ZZZ3: variants seen among roughly 807,000 people sequenced by gnomAD.
The protein encoded by ZZZ3 is zinc finger ZZ-type containing 3.
In ZZZ3, 22 loss-of-function variants were observed where a neutral mutation model predicts 95.2. The observed-to-expected ratio is 0.23, with a 90% CI of 0.17 to 0.33. The LOEUF (loss-of-function observed/expected upper bound fraction) is 0.33, where lower values mean the gene tolerates loss of function less well. Ranked by LOEUF, ZZZ3 falls within the 10% of genes least tolerant of loss-of-function variation. The pLI is 1.00. For missense variants in ZZZ3, 885 were observed against 1,066.5 expected (o/e 0.83, Z 2.37); for synonymous variants, 335 against 358.9 (o/e 0.93, Z 0.75).
At chr1:77,677,142 C>T (rs1672336877) in intron 1 of ZZZ3, 1 of 152,154 alleles carries the variant, frequency 6.6e-6, no homozygotes, top group African/African-American at 2.4e-5. Context: ...AGTTCCAGAC[C>T]AGCCTGACTA....
intron 5 of ZZZ3, among the ~76,000 whole-genome samples, chr1:77,597,174 A>G (rs1232915971): frequency 6.6e-6 from 1 of 152,152 alleles, no homozygotes; most frequent in East Asian, 1.9e-4. Context: ...TGATGGGGTT[A>G]TATCACAGGG....
chr1:77,667,913 T>C (rs573541544), intron 1 of ZZZ3, among the ~76,000 whole-genome samples: 1 of 151,776 alleles, frequency 6.6e-6, no homozygotes, highest in Non-Finnish European at 1.5e-5. Flanking sequence ...TACATGCACC[T>C]GCCACCACGC....
At chr1:77,640,768 G>T (rs1668713651) in intron 3 of ZZZ3, among the ~76,000 whole-genome samples, 1 of 152,066 alleles carries the variant, frequency 6.6e-6, no homozygotes, top group African/African-American at 2.4e-5. Flanking sequence ...GATACATTTT[G>T]GGGAAAGCAT....
chr1:77,669,318 G>A (rs1671529919), intron 1 of ZZZ3, among the ~76,000 whole-genome samples: 1 of 152,008 alleles, frequency 6.6e-6, no homozygotes, highest in South Asian at 2.1e-4. Context: ...ATTGTGAATG[G>A]TCCATTAAGT....
In ZZZ3 at chr1:77,599,086, C is replaced by G. The variant is rs139048051; in HGVS notation, c.1506-14431G>C. ...GTCCTTTTATAGAATCATATTAGAC[C>G]AACTTAAGCATTTACATGACAGTGG... On this transcript the variant is annotated intron_variant, in intron 5 of 14. Coordinates refer to ENST00000370801, the MANE Select transcript of ZZZ3 (RefSeq NM_015534.6). Among the ~76,000 whole-genome samples the G allele has an allele frequency of 2.0e-4, 30 of 152,000 alleles. 1 individual carries two copies. Among genetic ancestry groups the G allele is most frequent in the African/African-American group, 6.8e-4 (28 of 41,462 alleles).
At chr1:77,630,357 T>C (rs1004141209) in intron 5 of ZZZ3, among the ~76,000 whole-genome samples, 1 of 151,952 alleles carries the variant, frequency 6.6e-6, no homozygotes, top group South Asian at 2.1e-4. Flanking sequence ...GTGCCTGTAG[T>C]CCCAGCTACT....
At position 77,632,125 on chromosome 1, in the gene ZZZ3, A is replaced by G. The variant is rs778235725; in HGVS notation, c.1230T>C (p.Leu410=). The part of the protein sequence containing the change: ...RENGQFEENN[L]SPNETNATVS... ...CAGTTGCATTTGTTTCATTAGGACT[A>G]AGATTATTCTCCTCAAATTGTCCAT... The change falls in exon 5 of 15, where the codon CTT becomes CTC. Residue 410 remains leucine, a synonymous_variant. Coordinates refer to ENST00000370801, the MANE Select transcript of ZZZ3 (RefSeq NM_015534.6). 1 of 1,614,148 alleles carries G rather than the reference A, an allele frequency of 6.2e-7. No homozygotes were observed. Among genetic ancestry groups the G allele is most frequent in the South Asian group, 1.1e-5 (1 of 91,082 alleles).
intron 9 of ZZZ3, chr1:77,580,144 T>A (rs979394691): frequency 3.3e-5 from 5 of 152,460 alleles, no homozygotes; most frequent in African/African-American, 1.2e-4. Context: ...CTCATAGTCC[T>A]AAAGATGCAG....
intron 4 of ZZZ3, 79 bp downstream of exon 4, chr1:77,639,370 G>A: frequency 8.4e-7 from 1 of 1,190,212 alleles, no homozygotes; most frequent in Non-Finnish European, 1.1e-6. Flanking sequence ...AAAATAACAA[G>A]TCTCCCCATC....
At chr1:77,584,376 G>T in intron 6 of ZZZ3, 141 bp downstream of exon 6, 1 of 673,688 alleles carries the variant, frequency 1.5e-6, no homozygotes, top group Non-Finnish European at 2.2e-6. Context: ...TTGGTATCTT[G>T]CCTTAAGTAG....
At chr1:77,581,699 G>T in intron 8 of ZZZ3, 77 bp downstream of exon 8, 1 of 1,168,122 alleles carries the variant, frequency 8.6e-7, no homozygotes. Context: ...TTAATTTTAA[G>T]AACACAAACC....
intron 1 of ZZZ3, 72 bp from the exon 2 acceptor site, chr1:77,641,727 A>C (rs1166631958): frequency 2.5e-6 from 1 of 393,990 alleles, no homozygotes; most frequent in East Asian, 3.6e-5. Context: ...AAAATTGGTA[A>C]TATTTCCAAA....
intron 1 of ZZZ3, among the ~76,000 whole-genome samples, chr1:77,647,643 A>G (rs922434407): frequency 1.8e-4 from 27 of 152,224 alleles, no homozygotes; most frequent in Admixed American, 4.6e-4. Flanking sequence ...TTTGTTCGTA[A>G]TAAGTGATTT....
chr1:77,581,645 A>C, intron 8 of ZZZ3, 131 bp downstream of exon 8: 1 of 702,524 alleles, frequency 1.4e-6, no homozygotes, highest in East Asian at 2.9e-5. Context: ...GTTTCTCTTA[A>C]TTTCAAAGTT....
chr1:77,570,084 A>T (rs1300482390), intron 12 of ZZZ3, among the ~76,000 whole-genome samples: 1 of 152,100 alleles, frequency 6.6e-6, no homozygotes, highest in Non-Finnish European at 1.5e-5. Context: ...TCAGAAATCT[A>T]AGTGTTATCC....
At chr1:77,647,415 A>T (rs1669384903) in intron 1 of ZZZ3, among the ~76,000 whole-genome samples, 2 of 151,966 alleles carry the variant, frequency 1.3e-5, no homozygotes, top group African/African-American at 4.8e-5. Context: ...CCTACTCAGG[A>T]GGCTGAGGCA....
Position 77,578,879 on chromosome 1 carries a change from C to T in ZZZ3, c.2083-10G>A, listed in dbSNP as rs113038639. 1.9e-5 allele frequency: 29 copies of T among 1,530,156 alleles called. 1 individual carries two copies. Among genetic ancestry groups the T allele is most frequent in the African/African-American group, 1.7e-4 (12 of 70,558 alleles). 94.8% of individuals were successfully genotyped at this position (1,530,156 alleles called of 1,614,324 possible). ...GTACTCGGCTGGCAACCTAAGGAAA[C>T]ATGACAAGTCTCTTAACACAATGAG... On this transcript the variant is annotated splice_polypyrimidine_tract_variant and intron_variant, in intron 10 of 14. Coordinates refer to ENST00000370801, the MANE Select transcript of ZZZ3 (RefSeq NM_015534.6).
intron 4 of ZZZ3, among the ~76,000 whole-genome samples, chr1:77,636,644 G>A (rs1668322693): frequency 6.9e-6 from 1 of 144,162 alleles, no homozygotes; most frequent in Non-Finnish European, 1.5e-5. Context: ...AGCCTGGGAA[G>A]TCAAGGGTGT....
chr1:77,664,297 G>A (rs994722002), intron 1 of ZZZ3, among the ~76,000 whole-genome samples: 3 of 152,118 alleles, frequency 2.0e-5, no homozygotes, highest in African/African-American at 7.2e-5. Context: ...GGGAAAGAAA[G>A]GAGATGACTT....
Sources: allele counts gnomAD v4.1 joint callset (sites outside exome capture counted in the v4.1 genomes callset), GRCh38; gene constraint gnomAD v4.1.1; transcripts MANE v1.5; gene names NCBI Gene and HGNC (gene_info 2026-07-23, HGNC 2026-07-21).